Variants in NFXL1 observed in about 807,000 individuals in gnomAD.
NFXL1 encodes the protein nuclear transcription factor, X-box binding like 1.
A neutral mutation model predicts 123.3 loss-of-function variants in NFXL1; 66 were observed. That is an observed-to-expected ratio of 0.54 (90% CI 0.44 to 0.66). The LOEUF is 0.66. Ranked by LOEUF, NFXL1 falls within the 30% of genes least tolerant of loss-of-function variation. The probability of loss-of-function intolerance (pLI) is 0.00; values close to 1 mark genes in which losing one functional copy is unlikely to be tolerated. For missense variants in NFXL1, 944 were observed against 1,125.6 expected, an observed-to-expected ratio of 0.84 and a Z score of 2.31; for synonymous variants, 346 against 360.8, an observed-to-expected ratio of 0.96 and a Z score of 0.46.
chr4:47,876,565 A>C (rs888568723), intron 17 of NFXL1, among the ~76,000 whole-genome samples: 1 of 152,174 alleles, frequency 6.6e-6, no homozygotes, highest in African/African-American at 2.4e-5. Flanking sequence ...GAGTTAGATC[A>C]TTACTGAGCC....
chr4:47,878,492 T>G, intron 17 of NFXL1, 33 bp downstream of exon 17: 1 of 1,453,582 alleles, frequency 6.9e-7, no homozygotes, highest in Non-Finnish European at 9.2e-7. Flanking sequence ...AAGAATACTA[T>G]GGGCAGATAT....
chr4:47,857,467 G>C (rs1489021037), intron 19 of NFXL1, among the ~76,000 whole-genome samples: 1 of 152,148 alleles, frequency 6.6e-6, no homozygotes, highest in Non-Finnish European at 1.5e-5. Flanking sequence ...TGCGCTGGGG[G>C]TTGATGAAAA....
intron 18 of NFXL1, among the ~76,000 whole-genome samples, chr4:47,873,494 A>G (rs1054880841): frequency 6.6e-6 from 1 of 152,202 alleles, no homozygotes; most frequent in African/African-American, 2.4e-5. Flanking sequence ...ATCTCCTTGT[A>G]TATCTCCATT....
intron 12 of NFXL1, 24 bp from the exon 13 acceptor site, chr4:47,886,023 A>G: frequency 6.2e-7 from 1 of 1,607,856 alleles, no homozygotes; most frequent in Non-Finnish European, 8.5e-7. Context: ...CTGACAATTA[A>G]AAAGTTTCCT....
At chr4:47,910,632 T>C (rs988942377) in intron 3 of NFXL1, among the ~76,000 whole-genome samples, 192 bp downstream of exon 3, 1 of 152,198 alleles carries the variant, frequency 6.6e-6, no homozygotes, top group Admixed American at 6.5e-5. Context: ...GCCATTCTAT[T>C]TGCTTTATAG....
At chr4:47,890,850 A>G in intron 11 of NFXL1, 147 bp from the exon 12 acceptor site, 2 of 584,128 alleles carry the variant, frequency 3.4e-6, no homozygotes, top group South Asian at 4.3e-5. Flanking sequence ...TCTTCTGGTA[A>G]GTAAACATAC....
At chr4:47,871,924 A>G (rs1392852815) in intron 18 of NFXL1, among the ~76,000 whole-genome samples, 1 of 152,230 alleles carries the variant, frequency 6.6e-6, no homozygotes, top group Non-Finnish European at 1.5e-5. Context: ...TGAGGAAAAT[A>G]TATTTACAAA....
intron 3 of NFXL1, among the ~76,000 whole-genome samples, chr4:47,908,418 T>C (rs1348391825): frequency 5.7e-5 from 3 of 52,590 alleles, no homozygotes; most frequent in African/African-American, 7.5e-5. Context: ...AAGAAGACTG[T>C]CTCCAAAAAA....
intron 22 of NFXL1, among the ~76,000 whole-genome samples, chr4:47,848,783 G>A (rs985109554): frequency 6.6e-6 from 1 of 152,218 alleles, no homozygotes; most frequent in East Asian, 1.9e-4. Context: ...CAGCTACTCG[G>A]GAGGCTAAGG....
Position 47,898,030 on chromosome 4 carries a change from G to A in NFXL1, c.1141C>T (p.His381Tyr). 6.2e-7 allele frequency: 1 copy of A among 1,612,496 alleles called. No individual in the cohort carries two copies. Among genetic ancestry groups the A allele is most frequent in the South Asian group, 1.1e-5 (1 of 90,730 alleles). ...GGACATTCTCCACAAGCACCAACAT[G>A]GCAAACTTGCTCACATGTGTGATTA... ...CGNHTCEQVC[H>Y]VGACGECPRS... The change falls in exon 9 of 23, where the codon CAT (histidine) becomes TAT (tyrosine). Residue 381 changes from histidine (H) to tyrosine (Y), a missense_variant. By Grantham distance (83) the His-to-Tyr change is moderately conservative (BLOSUM62 2). Transcript: ENST00000507489.
chr4:47,914,122 C>T lies in NFXL1; in HGVS notation c.82G>A (p.Val28Ile). The T allele has an allele frequency of 6.4e-7, 1 of 1,553,966 alleles. No homozygotes were observed. Among genetic ancestry groups the T allele is most frequent in the Middle Eastern group, 1.8e-4 (1 of 5,672 alleles). Residue 28 changes from valine (V) to isoleucine (I), a missense_variant, in exon 2 of 23, where the codon GTC becomes ATC. Coordinates refer to ENST00000507489, the MANE Select transcript of NFXL1 (RefSeq NM_001278624.2). ...RATAAPSGNGVHLRGAGGGRE... is the reference protein window; with the variant it reads ...RATAAPSGNGIHLRGAGGGRE... ...CCTCCTCCGGCGCCGCGGAGATGGA[C>T]TCCATTTCCTGAGGGGGCGGCAGTG...
intron 3 of NFXL1, among the ~76,000 whole-genome samples, chr4:47,909,483 T>C (rs1737725149): frequency 2.0e-5 from 3 of 152,108 alleles, no homozygotes; most frequent in Admixed American, 6.5e-5. Flanking sequence ...CTCTGTAGAA[T>C]TGTTTCCCAA....
rs1733867494 is a variant in NFXL1 at position 47,847,339 on chromosome 4, T to A, written c.*824A>T. On this transcript the variant is annotated 3_prime_UTR_variant, in exon 23 of 23. Transcript: ENST00000507489. ...TTCAAACAGATTTGACTTACTGATA[T>A]TTCTCTATTTGTTTTCATAAGAACT... The A allele has an allele frequency of 6.6e-6, 1 of 152,228 alleles. No individual in the cohort carries two copies. 9.4% of individuals were successfully genotyped at this position (152,228 alleles called of 1,614,324 possible). A position where few individuals can be genotyped will look rare whatever the true frequency, so the allele number is the denominator to read the frequency against.
intron 18 of NFXL1, among the ~76,000 whole-genome samples, chr4:47,867,448 A>C (rs1454268171): frequency 1.3e-5 from 2 of 152,140 alleles, no homozygotes; most frequent in South Asian, 2.1e-4. Flanking sequence ...ACAGAAAAAG[A>C]AAACCCAACA....
intron 19 of NFXL1, among the ~76,000 whole-genome samples, chr4:47,855,560 T>C (rs1734361087): frequency 6.6e-6 from 1 of 151,944 alleles, no homozygotes; most frequent in Admixed American, 6.6e-5. Context: ...TGATGAAAGC[T>C]GGAGCGGTAA....
rs1411668345 is a variant in NFXL1, at chr4:47,896,486, T to C, written c.1329+37A>G. On this transcript the variant is annotated intron_variant, in intron 10 of 22. Transcript: ENST00000507489. Reference sequence around the variant, plus strand: ...ATCTCATTTGATACATTATGATAGGTAGCTCTTAAAAGTAATTATTACAGG... The same window carrying C: ...ATCTCATTTGATACATTATGATAGGCAGCTCTTAAAAGTAATTATTACAGG... The C allele has an allele frequency of 3.3e-6, 5 of 1,537,248 alleles. No homozygotes were observed. In the African/African-American group the frequency reaches 5.4e-5, roughly 17 times the overall value.
chr4:47,899,293 T>C, intron 6 of NFXL1, 77 bp downstream of exon 6: 1 of 1,405,624 alleles, frequency 7.1e-7, no homozygotes, highest in Non-Finnish European at 9.7e-7. Flanking sequence ...AATTCAACTT[T>C]TACAATTTTT....
At chr4:47,886,881 A>G (rs761128380) in intron 12 of NFXL1, among the ~76,000 whole-genome samples, 7 of 152,208 alleles carry the variant, frequency 4.6e-5, no homozygotes, top group African/African-American at 1.7e-4. Context: ...CAAGTACACA[A>G]TTTTTAGATG....
intron 3 of NFXL1, among the ~76,000 whole-genome samples, chr4:47,909,511 T>C (rs1737726067): frequency 6.6e-6 from 1 of 152,190 alleles, no homozygotes; most frequent in Admixed American, 6.5e-5. Flanking sequence ...GTAAGGTTTT[T>C]CCTGGTTTTA....
Sources: gnomAD v4.1 joint callset for allele counts (sites outside exome capture counted in the v4.1 genomes callset) on GRCh38, gnomAD v4.1.1 for gene constraint, MANE v1.5 for transcripts, NCBI Gene and HGNC (gene_info 2026-07-23, HGNC 2026-07-21) for gene names.